The following LRRTM4 variants were observed in gnomAD, a reference collection of about 807,000 sequenced individuals.
LRRTM4 encodes the protein leucine rich repeat transmembrane neuronal 4, also known as leucine-rich repeat transmembrane neuronal protein 4.
Under a neutral mutation model 47.6 loss-of-function variants are expected in LRRTM4, and 25 were observed. The ratio of observed to expected loss-of-function variants is 0.53; its 90% CI spans 0.38 to 0.73. The LOEUF (loss-of-function observed/expected upper bound fraction) is 0.73, where lower values mean the gene tolerates loss of function less well. Among genes scored for constraint, LRRTM4 ranks in the 30% least tolerant of loss-of-function variants. The probability of loss-of-function intolerance (pLI) is 0.00; values close to 1 mark genes in which losing one functional copy is unlikely to be tolerated. For synonymous variants in LRRTM4, 311 were observed against 269.5 expected (o/e 1.15, Z -1.51); for missense variants, 638 against 713.4 (o/e 0.89, Z 1.20).
intron 3 of LRRTM4, among the ~76,000 whole-genome samples, chr2:76,816,749 C>T (rs975493800): frequency 1.7e-4 from 25 of 147,372 alleles, no homozygotes; most frequent in African/African-American, 6.2e-4. Context: ...TACCTTGTTT[C>T]CTCTTCCTTC....
chr2:77,312,991 A>G (rs1677500256), intron 3 of LRRTM4, among the ~76,000 whole-genome samples: 1 of 152,214 alleles, frequency 6.6e-6, no homozygotes, highest in Non-Finnish European at 1.5e-5. Context: ...AGTTATATAA[A>G]AATTGAGTAC....
At chr2:76,787,853 G>T in intron 3 of LRRTM4, among the ~76,000 whole-genome samples, 1 of 152,062 alleles carries the variant, frequency 6.6e-6, no homozygotes, top group Admixed American at 6.5e-5. Flanking sequence ...AGTCCTTTAG[G>T]CAAATTTGTG....
intron 3 of LRRTM4, among the ~76,000 whole-genome samples, chr2:76,918,686 TTAA>T (rs1161583092): frequency 6.6e-6 from 1 of 152,194 alleles, no homozygotes; most frequent in Non-Finnish European, 1.5e-5. Flanking sequence ...CCTTTTTTTC[TTAA>T]TAACAGCCTA....
chr2:77,024,267 C>T (rs1678373751), intron 3 of LRRTM4, among the ~76,000 whole-genome samples: 1 of 152,082 alleles, frequency 6.6e-6, no homozygotes, highest in African/African-American at 2.4e-5. Flanking sequence ...ACCATGGTAA[C>T]CACTGTTCTA....
intron 3 of LRRTM4, among the ~76,000 whole-genome samples, chr2:77,232,885 A>G (rs2103973641): frequency 6.6e-6 from 1 of 152,330 alleles, no homozygotes; most frequent in African/African-American, 2.4e-5. Flanking sequence ...ATCAAAACAT[A>G]TCTTTTAGTT....
rs1558782720 is a variant in LRRTM4 at position 77,519,955 on chromosome 2, T to C, written c.5-91A>G. 1.5e-5 allele frequency: 22 copies of C among 1,454,592 alleles called. No individual in the cohort carries two copies. The highest frequency in any genetic ancestry group is 2.0e-5 in the Non-Finnish European group (22 of 1,105,738). 90.1% of individuals were successfully genotyped at this position (1,454,592 alleles called of 1,614,324 possible). ...CCAACAACAGGGGCATTTCCTCTAG[T>C]GTAGGAATGGGACAGTTGATTTAAG... On this transcript the variant is annotated intron_variant, in intron 2 of 3. Coordinates refer to ENST00000409884, the MANE Select transcript of LRRTM4 (RefSeq NM_001134745.3). The surrounding 1 kb of genome is among the most constrained non-coding windows in gnomAD (Gnocchi z 4.6).
At chr2:77,061,567 A>G (rs1679785942) in intron 3 of LRRTM4, among the ~76,000 whole-genome samples, 2 of 152,252 alleles carry the variant, frequency 1.3e-5, no homozygotes, top group Admixed American at 1.3e-4. Context: ...AAGAGTGTTC[A>G]GTGTGGGGGC....
chr2:77,165,443 T>A (rs1400030548), intron 3 of LRRTM4, among the ~76,000 whole-genome samples: 1 of 152,172 alleles, frequency 6.6e-6, no homozygotes, highest in Non-Finnish European at 1.5e-5. Flanking sequence ...AAAGAGGGAA[T>A]CCTTCCTAAC....
chr2:77,082,686 A>C (rs1232645810), intron 3 of LRRTM4, among the ~76,000 whole-genome samples: 1 of 106,250 alleles, frequency 9.4e-6, no homozygotes, highest in Non-Finnish European at 1.7e-5. Flanking sequence ...ATATTAACAT[A>C]AAGTAGAGAA....
intron 3 of LRRTM4, among the ~76,000 whole-genome samples, chr2:77,142,878 T>TA (rs776350916): frequency 6.6e-6 from 1 of 152,056 alleles, no homozygotes; most frequent in East Asian, 1.9e-4. Context: ...AACAGTGATG[T>TA]AAAAAAAATT....
intron 3 of LRRTM4, among the ~76,000 whole-genome samples, chr2:76,930,350 A>G (rs535703009): frequency 1.6e-4 from 25 of 152,306 alleles, no homozygotes; most frequent in Non-Finnish European, 3.1e-4. Flanking sequence ...ACACACACAC[A>G]CGCGATATGG....
At chr2:76,885,800 T>A (rs1673058021) in intron 3 of LRRTM4, among the ~76,000 whole-genome samples, 1 of 152,118 alleles carries the variant, frequency 6.6e-6, no homozygotes, top group Non-Finnish European at 1.5e-5. Context: ...CTAAGAATTG[T>A]CACCAGCCTG....
intron 3 of LRRTM4, among the ~76,000 whole-genome samples, chr2:77,278,748 T>A (rs974965169): frequency 6.6e-6 from 1 of 151,984 alleles, no homozygotes; most frequent in Non-Finnish European, 1.5e-5. Context: ...AATTTGTACA[T>A]TTCATGTTAG....
chr2:77,141,024 G>A (rs1430940589), intron 3 of LRRTM4, among the ~76,000 whole-genome samples: 2 of 152,088 alleles, frequency 1.3e-5, no homozygotes, highest in African/African-American at 4.8e-5. Context: ...ACTGTTGGTG[G>A]GACTGTAAAC....
At chr2:77,128,149 A>AAAAAAC (rs1553394564) in intron 3 of LRRTM4, among the ~76,000 whole-genome samples, 2 of 151,488 alleles carry the variant, frequency 1.3e-5, no homozygotes, top group East Asian at 3.9e-4. Flanking sequence ...TCTCAAAAAA[A>AAAAAAC]AAAACAAAAC....
intron 3 of LRRTM4, among the ~76,000 whole-genome samples, chr2:77,160,105 C>T (rs1043818298): frequency 3.9e-5 from 6 of 152,172 alleles, no homozygotes; most frequent in Admixed American, 3.9e-4. Context: ...TCAGCCCTCA[C>T]CTTTTTTGCC....
At chr2:77,092,277 T>G (rs1670669994) in intron 3 of LRRTM4, among the ~76,000 whole-genome samples, 1 of 151,978 alleles carries the variant, frequency 6.6e-6, no homozygotes, top group Non-Finnish European at 1.5e-5. Context: ...CATGACTGTA[T>G]CTCTGTGATC....
At chr2:76,936,954 C>CAA (rs56140303) in intron 3 of LRRTM4, among the ~76,000 whole-genome samples, 470 of 22,676 alleles carry the variant, frequency 0.021, 82 homozygotes, top group African/African-American at 0.033. Flanking sequence ...GACTCCATCT[C>CAA]AAAAAAAAAA....
chr2:76,847,337 TATG>T (rs1162587377), intron 3 of LRRTM4, among the ~76,000 whole-genome samples: 1 of 152,116 alleles, frequency 6.6e-6, no homozygotes, highest in African/African-American at 2.4e-5. Flanking sequence ...TAACAATAAT[TATG>T]ATTATAGTAT....
Sources: gnomAD v4.1 joint callset for allele counts (sites outside exome capture counted in the v4.1 genomes callset) on GRCh38, gnomAD v4.1.1 for gene constraint, Gnocchi (gnomAD v3.1) non-coding constraint, MANE v1.5 for transcripts, NCBI Gene and HGNC (gene_info 2026-07-23, HGNC 2026-07-21) for gene names.